The following CMTR1 variants were observed in gnomAD, a reference collection of about 807,000 sequenced individuals.
The protein encoded by CMTR1 is cap-specific mRNA (nucleoside-2'-O-)-methyltransferase 1.
Under a neutral mutation model 107.0 loss-of-function variants are expected in CMTR1, and 39 were observed. The ratio of observed to expected loss-of-function variants is 0.36; its 90% confidence interval spans 0.28 to 0.48. CMTR1 has a LOEUF of 0.48. Ranked by LOEUF, CMTR1 falls within the 20% of genes least tolerant of loss-of-function variation. The pLI, the probability that CMTR1 is intolerant of heterozygous loss-of-function variation, is 0.99. For missense variants in CMTR1, 672 were observed against 1,064.9 expected, an observed-to-expected ratio of 0.63 and a Z score of 5.14; for synonymous variants, 366 against 379.5, an observed-to-expected ratio of 0.96 and a Z score of 0.41.
At chr6:37,468,357 C>T (rs1362414818) in intron 13 of CMTR1, among the ~76,000 whole-genome samples, 1 of 152,068 alleles carries the variant, frequency 6.6e-6, no homozygotes, top group Non-Finnish European at 1.5e-5. Flanking sequence ...ACTATTTTTA[C>T]TTTAAACCGT....
chr6:37,478,153 G>A (rs991639138), intron 21 of CMTR1, among the ~76,000 whole-genome samples: 6 of 152,060 alleles, frequency 3.9e-5, no homozygotes, highest in African/African-American at 1.5e-4. Flanking sequence ...ACCCTTACTG[G>A]TGTCACCCTG....
In CMTR1 at chr6:37,472,385, T is replaced by C. The variant is rs1761645630; in HGVS notation, c.1621-34T>C. Reference sequence around the variant, plus strand: ...TACACGGTCTTGGTCAAAAGGGCATTTGAAAGTCAAAGCTCTTTGCTGTCT... The same window carrying C: ...TACACGGTCTTGGTCAAAAGGGCATCTGAAAGTCAAAGCTCTTTGCTGTCT... On this transcript the variant is annotated intron_variant, in intron 15 of 23. Transcript: ENST00000373451. This position sits in a 1 kb window ranked among gnomAD's most constrained non-coding sequence, Gnocchi z 4.1. 1 of 1,610,230 alleles carries C rather than the reference T, an allele frequency of 6.2e-7. No individual in the cohort carries two copies. Among genetic ancestry groups the C allele is most frequent in the Admixed American group, 1.7e-5 (1 of 59,998 alleles).
chr6:37,474,028 C>A (rs943812651), intron 17 of CMTR1, among the ~76,000 whole-genome samples: 1 of 152,192 alleles, frequency 6.6e-6, no homozygotes, highest in African/African-American at 2.4e-5. Context: ...TGAGGGAAAG[C>A]CTTGGCAAGC....
intron 22 of CMTR1, among the ~76,000 whole-genome samples, chr6:37,478,922 G>A (rs1349148796): frequency 6.6e-6 from 1 of 152,188 alleles, no homozygotes; most frequent in Non-Finnish European, 1.5e-5. Flanking sequence ...CCCTGATGGA[G>A]GGTTGGCAGG....
At position 37,477,693 on chromosome 6, in the gene CMTR1, G is replaced by A. The variant is rs371229815; in HGVS notation, c.2153+54G>A. 1,375 of 990,570 alleles carry A rather than the reference G, an allele frequency of 1.4e-3. 18 individuals carry two copies. The South Asian group carries it at 0.015, about 11-fold the overall frequency. 61.4% of individuals were successfully genotyped at this position (990,570 alleles called of 1,614,324 possible). A position where few individuals can be genotyped will look rare whatever the true frequency, so the allele number is the denominator to read the frequency against. Reference sequence around the variant, plus strand: ...TTCAAGAGGAGGTGGGGGTGCGGCCGTGTCCTGTAGTCATCCTCCGTTTCA... The same window carrying A: ...TTCAAGAGGAGGTGGGGGTGCGGCCATGTCCTGTAGTCATCCTCCGTTTCA... On this transcript the variant is annotated intron_variant, in intron 21 of 23. Transcript: ENST00000373451.
intron 2 of CMTR1, among the ~76,000 whole-genome samples, chr6:37,437,937 G>A (rs1771575709): frequency 6.6e-6 from 1 of 152,148 alleles, no homozygotes; most frequent in South Asian, 2.1e-4. Context: ...GTAAAAGAAG[G>A]TAAGTGTATA....
intron 10 of CMTR1, among the ~76,000 whole-genome samples, chr6:37,460,690 G>A (rs999514330): frequency 9.9e-5 from 15 of 152,084 alleles, no homozygotes; most frequent in African/African-American, 1.7e-4. Context: ...AGAGGGCAGC[G>A]TCCTTTTTTC....
At chr6:37,465,182 C>T (rs1052042613) in intron 13 of CMTR1, among the ~76,000 whole-genome samples, 1 of 151,556 alleles carries the variant, frequency 6.6e-6, no homozygotes, top group East Asian at 1.9e-4. Context: ...GCAGGAGAAT[C>T]GCTTGAACCC....
chr6:37,455,949 G>A (rs893164746), intron 8 of CMTR1, among the ~76,000 whole-genome samples: 15 of 152,188 alleles, frequency 9.9e-5, no homozygotes, highest in African/African-American at 2.9e-4. Context: ...GTCCTTAACT[G>A]CACAGTCAGT....
Position 37,453,155 on chromosome 6 carries a change from T to TCCCTC in CMTR1, c.704+24_704+28dup, listed in dbSNP as rs1267109851. The TCCCTC allele has an allele frequency of 6.2e-7, 1 of 1,613,430 alleles. No homozygotes were observed. Among genetic ancestry groups the TCCCTC allele is most frequent in the Non-Finnish European group, 8.5e-7 (1 of 1,179,506 alleles). Reference sequence around the variant, plus strand: ...CTTTCTAAACAGGTTTGCTGACATTTCCCTCCCCTCCCCTGATGCTCCCTG... The same window carrying TCCCTC: ...CTTTCTAAACAGGTTTGCTGACATTTCCCTCCCCTCCCCTCCCCTGATGCTCCCTG... On this transcript the variant is annotated intron_variant, in intron 7 of 23. Coordinates refer to ENST00000373451, the MANE Select transcript of CMTR1 (RefSeq NM_015050.3).
At chr6:37,429,957 A>G (rs1443295321), upstream of CMTR1, among the ~76,000 whole-genome samples, 1 of 152,200 alleles carries the variant, frequency 6.6e-6, no homozygotes. Flanking sequence ...TAAAAAAAAA[A>G]AAAGAATATA....
chr6:37,465,650 C>T lies in CMTR1; in HGVS notation c.1505+2642C>T, dbSNP rs563241920. On this transcript the variant is annotated intron_variant, in intron 13 of 23. Coordinates refer to ENST00000373451, the MANE Select transcript of CMTR1 (RefSeq NM_015050.3). ...AGCTAGGATTACAGGCACCCACCACCACCCCCAGCTAATTTTTGTATTTTT... is the reference window on the plus strand; with the variant it reads ...AGCTAGGATTACAGGCACCCACCACTACCCCCAGCTAATTTTTGTATTTTT... 1.6e-3 allele frequency among the ~76,000 whole-genome samples: 237 copies of T among 152,262 alleles called. 1 individual carries two copies. Among genetic ancestry groups the T allele is most frequent in the Admixed American group, 2.5e-3 (39 of 15,296 alleles).
intron 13 of CMTR1, among the ~76,000 whole-genome samples, chr6:37,469,079 G>A (rs1286379508): frequency 6.6e-6 from 1 of 151,752 alleles, no homozygotes; most frequent in African/African-American, 2.4e-5. Flanking sequence ...AGGCTGCAGT[G>A]AGCCGAGATC....
intron 8 of CMTR1, among the ~76,000 whole-genome samples, chr6:37,457,341 C>T (rs906062542): frequency 5.3e-5 from 8 of 152,196 alleles, no homozygotes; most frequent in Admixed American, 1.3e-4. Context: ...GTGCTCCGAG[C>T]GTTGCCTGGA....
chr6:37,471,800 C>T (rs1217535711), intron 14 of CMTR1, 47 bp from the exon 15 acceptor site: 2 of 1,579,960 alleles, frequency 1.3e-6, no homozygotes, highest in African/African-American at 1.3e-5. Flanking sequence ...GGGGGCACTC[C>T]TGTGCCTCTT....
At chr6:37,478,088 C>T (rs954641694) in intron 21 of CMTR1, among the ~76,000 whole-genome samples, 4 of 152,186 alleles carry the variant, frequency 2.6e-5, no homozygotes, top group Non-Finnish European at 5.9e-5. Flanking sequence ...GTAGAGGTTA[C>T]ATTAACTCTT....
At position 37,458,750 on chromosome 6, in the gene CMTR1, A is replaced by G. The variant is rs1406832054; in HGVS notation, c.916A>G (p.Asn306Asp). 2 of 1,614,096 alleles carry G rather than the reference A, an allele frequency of 1.2e-6. No individual in the cohort carries two copies. The highest frequency in any genetic ancestry group is 1.1e-5 in the South Asian group (1 of 91,068). Reference sequence around the variant, plus strand: ...CTTTGGAATGACTTTGAAGGGCCCTAATGACTTCAAGCTGGAGGACTTCTA... The same window carrying G: ...CTTTGGAATGACTTTGAAGGGCCCTGATGACTTCAAGCTGGAGGACTTCTA... ...KGFGMTLKGPNDFKLEDFYSA... is the reference protein window; with the variant it reads ...KGFGMTLKGPDDFKLEDFYSA... Residue 306 changes from asparagine (N) to aspartate (D), a missense_variant, in exon 9 of 24, where the codon AAT becomes GAT. Asn to Asp is a conservative substitution (Grantham distance 23). This residue lies in a region of CMTR1 where 583 missense variants were observed against 968.4 expected (regional missense o/e 0.60). Transcript: ENST00000373451. The surrounding 1 kb of genome is among the most constrained non-coding windows in gnomAD (Gnocchi z 4.7).
upstream of CMTR1, among the ~76,000 whole-genome samples, chr6:37,428,288 TG>T (rs780956398): frequency 7.2e-5 from 11 of 152,316 alleles, no homozygotes; most frequent in South Asian, 8.3e-4. Context: ...GTTAGGCAGA[TG>T]GTCCTTGCAG....
Position 37,446,367 on chromosome 6 carries a change from G to A in CMTR1, c.362G>A (p.Ser121Asn), listed in dbSNP as rs1410038025. 13 of 1,614,110 alleles carry A rather than the reference G, an allele frequency of 8.1e-6. No individual in the cohort carries two copies. The highest frequency in any genetic ancestry group is 1.1e-5 in the Non-Finnish European group (13 of 1,180,058). The change falls in exon 4 of 24, where the codon AGT becomes AAT. Residue 121 changes from serine (S) to asparagine (N), a missense_variant. Coordinates refer to ENST00000373451, the MANE Select transcript of CMTR1 (RefSeq NM_015050.3). ...CGGAAGGACATCGTTGAGGCTTCCA[G>A]TCAGAAAGGTCGAAGAGGCTTGGGT... The part of the protein sequence containing the change: ...QGRKDIVEAS[S>N]QKGRRGLGLT...
Sources: allele counts gnomAD v4.1 joint callset (sites outside exome capture counted in the v4.1 genomes callset), GRCh38; gene constraint gnomAD v4.1.1; regional missense constraint gnomAD v4.1.1; non-coding constraint Gnocchi (gnomAD v3.1); transcripts MANE v1.5; gene names NCBI Gene and HGNC (gene_info 2026-07-23, HGNC 2026-07-21).